Variants in TET3 observed in about 807,000 individuals in gnomAD.
The protein encoded by TET3 is methylcytosine dioxygenase TET3.
In TET3, 19 loss-of-function variants were observed where a neutral mutation model predicts 141.4. The observed-to-expected ratio is 0.13, with a 90% confidence interval of 0.09 to 0.20. The LOEUF (loss-of-function observed/expected upper bound fraction) is 0.20. Ranked by LOEUF, TET3 falls within the 10% of genes least tolerant of loss-of-function variation. The probability of loss-of-function intolerance (pLI) is 1.00; values close to 1 mark genes in which losing one functional copy is unlikely to be tolerated. For missense variants in TET3, 1,874 were observed against 2,356.9 expected (o/e 0.80, Z 4.24); for synonymous variants, 1,043 against 980.9 (o/e 1.06, Z -1.18).
intron 3 of TET3, among the ~76,000 whole-genome samples, chr2:74,040,975 C>G (rs369335363): frequency 4.4e-4 from 67 of 152,172 alleles, no homozygotes; most frequent in African/African-American, 1.5e-3. Flanking sequence ...CGGAGGGTTT[C>G]TGAGCTGGGA....
At chr2:74,109,705 C>T (rs1691657157), downstream of TET3, among the ~76,000 whole-genome samples, 1 of 152,206 alleles carries the variant, frequency 6.6e-6, no homozygotes, top group African/African-American at 2.4e-5. Context: ...GCCCTGTCCA[C>T]CACTACTCCC....
chr2:74,100,480 A>T lies in TET3; in HGVS notation c.3692A>T (p.Tyr1231Phe). The T allele has an allele frequency of 6.3e-7, 1 of 1,596,238 alleles. No individual in the cohort carries two copies. The highest frequency in any genetic ancestry group is 8.5e-7 in the Non-Finnish European group (1 of 1,171,574). The change falls in exon 12 of 12, where the codon TAC becomes TTC. Residue 1231 changes from tyrosine to phenylalanine, a missense_variant. Tyr to Phe is a conservative substitution (Grantham distance 22, BLOSUM62 3). Around this residue, in one of 10 missense-constraint regions of TET3, gnomAD observed 602 missense variants for 590.2 expected, o/e 1.02. Coordinates refer to ENST00000409262, the MANE Select transcript of TET3 (RefSeq NM_001287491.2). ...EPQNHFSSFK[Y>F]SGNAVVESYS... Reference sequence around the variant, plus strand: ...CAGAACCACTTCAGCTCCTTCAAGTACAGCGGCAACGCGGTGGTGGAGAGC... The same window carrying T: ...CAGAACCACTTCAGCTCCTTCAAGTTCAGCGGCAACGCGGTGGTGGAGAGC...
intron 10 of TET3, among the ~76,000 whole-genome samples, chr2:74,096,648 A>C (rs1480773161): frequency 6.6e-6 from 1 of 151,976 alleles, no homozygotes; most frequent in Non-Finnish European, 1.5e-5. Flanking sequence ...GGCGCCTGTA[A>C]TCCCAGCTAC....
Position 74,108,111 on chromosome 2 carries a change from A to G in TET3, c.*5935A>G, listed in dbSNP as rs1187862768. On this transcript the variant is annotated 3_prime_UTR_variant, in exon 12 of 12. Transcript: ENST00000409262. ...AACAACTGGGTTTGTGAACTGTATT[A>G]CTCCTGGTATCTTTAAAATATTGTG... 3 of 153,344 alleles carry G rather than the reference A, an allele frequency of 2.0e-5. No homozygotes were observed. 9.5% of individuals were successfully genotyped at this position (153,344 alleles called of 1,614,324 possible).
intron 2 of TET3, among the ~76,000 whole-genome samples, chr2:73,996,333 C>G (rs551873229): frequency 6.6e-6 from 1 of 151,986 alleles, no homozygotes; most frequent in East Asian, 1.9e-4. Context: ...CTTTTTTAGC[C>G]CTGCTCAACC....
chr2:73,996,696 CAG>C (rs1684609646), intron 2 of TET3, among the ~76,000 whole-genome samples: 1 of 152,122 alleles, frequency 6.6e-6, no homozygotes. Flanking sequence ...TTAGTAGAGA[CAG>C]GGTTTCGCCA....
intron 4 of TET3, among the ~76,000 whole-genome samples, chr2:74,058,390 G>A (rs974266358): frequency 7.9e-5 from 12 of 152,076 alleles, no homozygotes; most frequent in Non-Finnish European, 1.8e-4. Flanking sequence ...GAGAGTCAAA[G>A]GTGGAATAGA....
chr2:74,001,240 G>C (rs1684834765), intron 2 of TET3, among the ~76,000 whole-genome samples: 1 of 152,172 alleles, frequency 6.6e-6, no homozygotes, highest in African/African-American at 2.4e-5. Flanking sequence ...ATCCTGTTCT[G>C]AGTACCCCCT....
chr2:74,111,943 G>A (rs910380545), downstream of TET3, among the ~76,000 whole-genome samples: 37 of 152,190 alleles, frequency 2.4e-4, no homozygotes, highest in African/African-American at 8.4e-4. Context: ...AGAGGCACAG[G>A]TTGCAACAAA....
At chr2:74,048,476 T>G in intron 4 of TET3, 65 bp downstream of exon 4, 3 of 1,484,144 alleles carry the variant, frequency 2.0e-6, no homozygotes, top group Non-Finnish European at 2.7e-6. Flanking sequence ...CTAGGATTTC[T>G]AGGCCCTGCC....
intron 3 of TET3, among the ~76,000 whole-genome samples, chr2:74,024,028 T>A (rs1205893466): frequency 6.6e-6 from 1 of 152,260 alleles, no homozygotes; most frequent in Non-Finnish European, 1.5e-5. Flanking sequence ...TACTTTTTTC[T>A]CATTTAGTAA....
chr2:74,080,682 A>C, intron 6 of TET3, 91 bp downstream of exon 6: 2 of 485,476 alleles, frequency 4.1e-6, no homozygotes. Flanking sequence ...TGCTGCATGT[A>C]GCTGAGCAGG....
At chr2:74,035,668 A>C (rs1350142563) in intron 3 of TET3, among the ~76,000 whole-genome samples, 1 of 152,034 alleles carries the variant, frequency 6.6e-6, no homozygotes, top group Non-Finnish European at 1.5e-5. Flanking sequence ...TGGAGGTTGC[A>C]TTGAGCCGAG....
intron 3 of TET3, among the ~76,000 whole-genome samples, chr2:74,016,522 G>A (rs1265542376): frequency 2.0e-5 from 3 of 152,064 alleles, no homozygotes; most frequent in African/African-American, 4.8e-5. Flanking sequence ...AGGAGTTCCA[G>A]ACCAGCCTGG....
At chr2:74,013,776 C>T (rs1485104608) in intron 3 of TET3, among the ~76,000 whole-genome samples, 1 of 152,148 alleles carries the variant, frequency 6.6e-6, no homozygotes, top group Non-Finnish European at 1.5e-5. Context: ...CGCACCACTG[C>T]CCTCCAGCCT....
chr2:74,067,720 G>GA (rs1688986230), intron 4 of TET3, among the ~76,000 whole-genome samples: 4 of 151,556 alleles, frequency 2.6e-5, no homozygotes, highest in Non-Finnish European at 2.9e-5. Context: ...GGAAAGAAAG[G>GA]GAAAAAAAAT....
At chr2:74,099,928 G>GT (rs916859160) in intron 11 of TET3, among the ~76,000 whole-genome samples, 1 of 152,194 alleles carries the variant, frequency 6.6e-6, no homozygotes, top group Non-Finnish European at 1.5e-5. Context: ...ACTGAGGTGA[G>GT]TAGCAGCACT....
At chr2:74,108,776 A>C (rs1292782012), downstream of TET3, among the ~76,000 whole-genome samples, 4 of 152,192 alleles carry the variant, frequency 2.6e-5, no homozygotes. Flanking sequence ...TTCCTCCTGC[A>C]TGAAACATCT....
intron 2 of TET3, among the ~76,000 whole-genome samples, chr2:73,997,972 A>G (rs1457098683): frequency 6.6e-6 from 1 of 152,106 alleles, no homozygotes; most frequent in African/African-American, 2.4e-5. Context: ...ATGTCTTGAG[A>G]GTGTAGTGAC....
Sources: gnomAD v4.1 joint callset for allele counts (sites outside exome capture counted in the v4.1 genomes callset) on GRCh38, gnomAD v4.1.1 for gene constraint, gnomAD v4.1.1 regional missense constraint, MANE v1.5 for transcripts, NCBI Gene and HGNC (gene_info 2026-07-23, HGNC 2026-07-21) for gene names.